The following EYS variants were observed in gnomAD, a reference collection of about 807,000 sequenced individuals.
EYS encodes protein eyes shut homolog.
A neutral mutation model predicts 282.1 loss-of-function variants in EYS; 250 were observed. That is an observed-to-expected ratio of 0.89 (90% CI 0.80 to 0.98). EYS has a LOEUF of 0.98. EYS is among the 50% of genes least tolerant of loss of function. The probability of loss-of-function intolerance (pLI) is 0.00; values close to 1 mark genes in which losing one functional copy is unlikely to be tolerated. For missense variants in EYS, 4,016 were observed against 3,709.0 expected, an observed-to-expected ratio of 1.08 and a Z score of -2.15; for synonymous variants, 1,355 against 1,282.9, an observed-to-expected ratio of 1.06 and a Z score of -1.20.
At chr6:64,156,659 A>T (rs1406813906) in intron 31 of EYS, among the ~76,000 whole-genome samples, 1 of 152,180 alleles carries the variant, frequency 6.6e-6, no homozygotes, top group African/African-American at 2.4e-5. Context: ...AGGTGGTCTT[A>T]GATGGAGATG....
At chr6:65,282,089 T>G (rs1768238247) in intron 12 of EYS, among the ~76,000 whole-genome samples, 2 of 145,312 alleles carry the variant, frequency 1.4e-5, no homozygotes, top group Admixed American at 6.9e-5. Context: ...TGAGTGGGGG[T>G]GGGGGGTGAT....
intron 22 of EYS, among the ~76,000 whole-genome samples, chr6:64,700,575 T>C (rs191408922): frequency 1.3e-3 from 200 of 152,138 alleles, no homozygotes; most frequent in African/African-American, 4.3e-3. Context: ...AGCCTTTCTA[T>C]ATACAAATGA....
chr6:64,177,707 T>A (rs1764677384), intron 31 of EYS, among the ~76,000 whole-genome samples: 1 of 152,168 alleles, frequency 6.6e-6, no homozygotes, highest in African/African-American at 2.4e-5. Flanking sequence ...TGATTCACAC[T>A]TGTTATGTCT....
chr6:64,341,013 G>A (rs963983386), intron 29 of EYS, among the ~76,000 whole-genome samples: 1 of 151,716 alleles, frequency 6.6e-6, no homozygotes, highest in African/African-American at 2.4e-5. Context: ...ACCACAACGA[G>A]ATACCAGCTC....
chr6:64,593,170 G>T lies in EYS; in HGVS notation c.3824C>A (p.Ser1275Tyr). ...GGCTGGTATTCTAGTAGCCTTTATA[G>T]ATGGAAAGCTGCTGACCAAAGTCTC... ...PSETLVSSFP[S>Y]IKATRIPAIM... The change falls in exon 25 of 43, where the codon TCT becomes TAT. Residue 1275 changes from serine to tyrosine, a missense_variant. Coordinates refer to ENST00000503581, the MANE Select transcript of EYS (RefSeq NM_001142800.2). The T allele has an allele frequency of 6.5e-7, 1 of 1,549,260 alleles. No individual in the cohort carries two copies. The highest frequency in any genetic ancestry group is 8.7e-7 in the Non-Finnish European group (1 of 1,145,918).
chr6:65,488,873 G>C lies in EYS; in HGVS notation c.862+1721C>G, dbSNP rs949079581. Among the ~76,000 whole-genome samples the C allele has an allele frequency of 1.3e-4, 20 of 152,194 alleles. No homozygotes were observed. In the East Asian group the frequency reaches 2.5e-3, roughly 19 times the overall value. ...ACAAACCTGACACACACAAGCAATG[G>C]GGAAAAGATTCTCTATTTAAGAAAT... On this transcript the variant is annotated intron_variant, in intron 5 of 42. Coordinates refer to ENST00000503581, the MANE Select transcript of EYS (RefSeq NM_001142800.2).
chr6:65,322,570 G>A (rs1404965100), intron 11 of EYS, among the ~76,000 whole-genome samples: 1 of 151,944 alleles, frequency 6.6e-6, no homozygotes, highest in African/African-American at 2.4e-5. Flanking sequence ...ACCAAGGTGG[G>A]TGGATCACAA....
intron 26 of EYS, among the ~76,000 whole-genome samples, chr6:64,453,412 C>T (rs1455048115): frequency 6.6e-6 from 1 of 152,128 alleles, no homozygotes; most frequent in Non-Finnish European, 1.5e-5. Context: ...GTTGGTGGGA[C>T]TGTAAACTAG....
intron 22 of EYS, among the ~76,000 whole-genome samples, chr6:64,629,645 ATTTGT>A (rs1314598942): frequency 6.6e-6 from 1 of 151,992 alleles, no homozygotes; most frequent in East Asian, 1.9e-4. Context: ...TAAGTGGTAT[ATTTGT>A]TTTGTTTTGT....
chr6:65,278,938 C>T (rs1768141755), intron 12 of EYS, among the ~76,000 whole-genome samples: 2 of 152,062 alleles, frequency 1.3e-5, no homozygotes, highest in Non-Finnish European at 2.9e-5. Flanking sequence ...CTTGTAATCC[C>T]AGCACTTTGG....
intron 31 of EYS, among the ~76,000 whole-genome samples, chr6:64,114,373 G>T (rs938473547): frequency 6.6e-6 from 1 of 152,100 alleles, no homozygotes; most frequent in African/African-American, 2.4e-5. Flanking sequence ...CTAAAGGGCT[G>T]ATATCTGCAA....
In EYS at chr6:65,266,989, T is replaced by TATAGAGAGAGAGAG. The variant is rs144200033; in HGVS notation, c.2023+28873_2023+28874insCTCTCTCTCTCTAT. Among the ~76,000 whole-genome samples, 3 of 142,130 alleles carry TATAGAGAGAGAGAG rather than the reference T, an allele frequency of 2.1e-5. No homozygotes were observed. The East Asian group carries it at 6.1e-4, about 29-fold the overall frequency. 93.2% of individuals were successfully genotyped at this position (142,130 alleles called of 152,430 possible). A position where few individuals can be genotyped will look rare whatever the true frequency, so the allele number is the denominator to read the frequency against. ...ACACATACCTTGACATATATATATA[T>TATAGAGAGAGAGAG]AGAGAGAGAGAGAGAGAGAGATCAC... On this transcript the variant is annotated intron_variant, in intron 12 of 42. Coordinates refer to ENST00000503581, the MANE Select transcript of EYS (RefSeq NM_001142800.2).
At chr6:65,610,198 T>A (rs986554911) in intron 2 of EYS, among the ~76,000 whole-genome samples, 2 of 152,074 alleles carry the variant, frequency 1.3e-5, no homozygotes, top group Non-Finnish European at 2.9e-5. Context: ...TGAGCTGCCA[T>A]GCCCGGCCTA....
chr6:65,004,847 T>C (rs1371926305), intron 13 of EYS, among the ~76,000 whole-genome samples: 1 of 147,918 alleles, frequency 6.8e-6, no homozygotes, highest in East Asian at 2.1e-4. Flanking sequence ...TATTTATGAT[T>C]TCTATGCTTC....
intron 22 of EYS, among the ~76,000 whole-genome samples, chr6:64,777,090 T>G (rs1442178313): frequency 6.6e-6 from 1 of 152,136 alleles, no homozygotes; most frequent in East Asian, 1.9e-4. Flanking sequence ...CATCTTATGA[T>G]AACTAACTCA....
chr6:64,233,748 CAT>C (rs144514233), intron 30 of EYS, among the ~76,000 whole-genome samples: 1,938 of 152,228 alleles, frequency 0.013, 29 homozygotes, highest in East Asian at 0.035. Context: ...GTCTGAATAA[CAT>C]ATGCTCAATG....
chr6:63,903,982 C>T (rs1773715960), intron 35 of EYS, among the ~76,000 whole-genome samples: 1 of 152,206 alleles, frequency 6.6e-6, no homozygotes. Context: ...CTACATATAG[C>T]CCTCCTCCTG....
chr6:64,300,554 A>G (rs1230961679), intron 30 of EYS, among the ~76,000 whole-genome samples: 1 of 152,216 alleles, frequency 6.6e-6, no homozygotes, highest in Admixed American at 6.5e-5. Flanking sequence ...AGAGAAATTA[A>G]AAAGAGCCCA....
intron 21 of EYS, among the ~76,000 whole-genome samples, chr6:64,818,324 C>T (rs1259949164): frequency 3.9e-5 from 6 of 152,230 alleles, no homozygotes; most frequent in Non-Finnish European, 2.9e-5. Context: ...AGCATTAATT[C>T]TAATTTTTAA....
Sources: gnomAD v4.1 joint callset for allele counts (sites outside exome capture counted in the v4.1 genomes callset) on GRCh38, gnomAD v4.1.1 for gene constraint, MANE v1.5 for transcripts, NCBI Gene and HGNC (gene_info 2026-07-23, HGNC 2026-07-21) for gene names.